ZNF845: variants seen among roughly 807,000 people sequenced by gnomAD.
ZNF845 encodes the protein zinc finger protein 845.
ZNF845 carries 59 observed loss-of-function variants against 76.1 expected under a neutral mutation model. That is an observed-to-expected ratio of 0.78 (90% CI 0.63 to 0.96). The LOEUF is 0.96. Among genes scored for constraint, ZNF845 ranks in the 40% least tolerant of loss-of-function variants. The probability of loss-of-function intolerance (pLI) is 0.00; values close to 1 mark genes in which losing one functional copy is unlikely to be tolerated. For synonymous variants in ZNF845, 361 were observed against 386.9 expected (o/e 0.93, Z 0.78); for missense variants, 1,045 against 1,172.8 (o/e 0.89, Z 1.59).
At position 53,351,436 on chromosome 19, in the gene ZNF845, A is replaced by C. The variant is rs747588639; in HGVS notation, c.761A>C (p.Gln254Pro). ...GATGTGTGTGGCAAGGTCTTTAATC[A>C]AAAGCGATATCTTGCATGTCATCGT... is the stretch of plus-strand genomic sequence containing the variant. ...KCDVCGKVFN[Q>P]KRYLACHRRC... The change falls in exon 4 of 4, where the codon CAA becomes CCA. Residue 254 changes from glutamine to proline, a missense_variant. By Grantham distance (76) the Gln-to-Pro change is moderately conservative. Coordinates refer to ENST00000458035, the MANE Select transcript of ZNF845 (RefSeq NM_138374.3). 6.2e-7 allele frequency: 1 copy of C among 1,614,236 alleles called. No homozygotes were observed. The highest frequency in any genetic ancestry group is 1.1e-5 in the South Asian group (1 of 91,086).
At chr19:53,339,981 C>G (rs115727699) in intron 1 of ZNF845, among the ~76,000 whole-genome samples, 17,889 of 152,026 alleles carry the variant, frequency 0.12, 1,190 homozygotes, top group East Asian at 0.17. Flanking sequence ...CCTCTGGGTT[C>G]AAGCGATTCT....
Position 53,355,419 on chromosome 19 carries a change from A to T in ZNF845, c.*1831A>T, listed in dbSNP as rs547569876. The stretch of plus-strand genomic sequence containing the variant: ...GTCACCACACCTAGCTAATTTATTT[A>T]TTTTTTTTATTTTAGTAAAGACGGG... On this transcript the variant is annotated 3_prime_UTR_variant, in exon 4 of 4. Transcript: ENST00000458035. 123 of 150,320 alleles carry T rather than the reference A, an allele frequency of 8.2e-4. 1 individual carries two copies. The highest frequency in any genetic ancestry group is 2.7e-3 in the African/African-American group (110 of 40,762). The allele number at this position is 150,320 out of a possible 1,614,324, so 9.3% of individuals were successfully genotyped here. A position where few individuals can be genotyped will look rare whatever the true frequency, so the allele number is the denominator to read the frequency against.
chr19:53,341,384 A>C, intron 2 of ZNF845, 62 bp downstream of exon 2: 3 of 1,608,166 alleles, frequency 1.9e-6, no homozygotes, highest in Non-Finnish European at 2.6e-6. Context: ...TGGGCCTTGG[A>C]GTTGGGAATC....
chr19:53,343,982 G>A (rs1044991202), intron 2 of ZNF845, among the ~76,000 whole-genome samples: 4 of 151,528 alleles, frequency 2.6e-5, no homozygotes, highest in African/African-American at 9.7e-5. Flanking sequence ...ACCATGCCCG[G>A]CTGATTTTTT....
Position 53,339,712 on chromosome 19 carries a change from G to A in ZNF845, c.-73-1523G>A, listed in dbSNP as rs116947654. On this transcript the variant is annotated intron_variant, in intron 1 of 3. Coordinates refer to ENST00000458035, the MANE Select transcript of ZNF845 (RefSeq NM_138374.3). ...GGTCAACCAGGACCCTGGCACATGT[G>A]AGACCCCAGAGGGGACATACTAGTA... is the stretch of plus-strand genomic sequence containing the variant. Among the ~76,000 whole-genome samples the A allele has an allele frequency of 3.2e-3, 480 of 152,284 alleles. 3 individuals carry two copies. Among genetic ancestry groups the A allele is most frequent in the Non-Finnish European group, 4.1e-3 (280 of 68,020 alleles).
At chr19:53,341,002 A>G (rs1844896325) in intron 1 of ZNF845, 2 of 479,554 alleles carry the variant, frequency 4.2e-6, no homozygotes, top group South Asian at 3.7e-5. Context: ...CCCACCTCCC[A>G]TTTCACACTC....
chr19:53,351,198 T>A lies in ZNF845; in HGVS notation c.523T>A (p.Ser175Thr), dbSNP rs1287109950. ...EKSINSASLV[S>T]TSQRISCRPK... Reference sequence around the variant, plus strand: ...GTCTATCAACAGTGCTTCGTTGGTTTCAACATCCCAAAGAATTTCTTGTAG... The same window carrying A: ...GTCTATCAACAGTGCTTCGTTGGTTACAACATCCCAAAGAATTTCTTGTAG... The change falls in exon 4 of 4, where the codon TCA becomes ACA. Residue 175 changes from serine (S) to threonine (T), a missense_variant. Ser to Thr is a moderately conservative substitution (Grantham distance 58). Coordinates refer to ENST00000458035, the MANE Select transcript of ZNF845 (RefSeq NM_138374.3). The A allele has an allele frequency of 4.3e-6, 7 of 1,614,124 alleles. No homozygotes were observed. The African/African-American group carries it at 9.3e-5, about 22-fold the overall frequency.
chr19:53,349,547 C>T (rs902597474), intron 3 of ZNF845, among the ~76,000 whole-genome samples: 13 of 152,020 alleles, frequency 8.6e-5, no homozygotes, highest in East Asian at 3.9e-4. Context: ...GGATTACAGG[C>T]GTGAACCACT....
chr19:53,344,849 G>C (rs1417411802), intron 2 of ZNF845, among the ~76,000 whole-genome samples: 1 of 151,880 alleles, frequency 6.6e-6, no homozygotes, highest in Non-Finnish European at 1.5e-5. Flanking sequence ...ATGTTGGTCA[G>C]GCAAGTCTTG....
At chr19:53,349,754 T>C (rs2085321015) in intron 3 of ZNF845, among the ~76,000 whole-genome samples, 1 of 152,176 alleles carries the variant, frequency 6.6e-6, no homozygotes, top group Admixed American at 6.5e-5. Context: ...CACAAAGTGC[T>C]GCCTGGCACT....
chr19:53,346,243 A>G (rs537488655), intron 3 of ZNF845: 1 of 271,032 alleles, frequency 3.7e-6, no homozygotes, highest in Admixed American at 5.2e-5. Context: ...CTCATTTATT[A>G]CTTTTTGCGT....
intron 2 of ZNF845, among the ~76,000 whole-genome samples, chr19:53,343,820 A>G (rs1294996450): frequency 6.6e-6 from 1 of 151,902 alleles, no homozygotes; most frequent in African/African-American, 2.4e-5. Context: ...TCTAGTTTTC[A>G]TGTATTTTCT....
chr19:53,347,019 G>A (rs1001407984), intron 3 of ZNF845, among the ~76,000 whole-genome samples: 10 of 152,030 alleles, frequency 6.6e-5, no homozygotes, highest in African/African-American at 2.4e-4. Flanking sequence ...GAGTAGCTGG[G>A]ATTACAGGCC....
chr19:53,351,893 T>C lies in ZNF845; in HGVS notation c.1218T>C (p.Thr406=). ...TTACACGCCATCGTAGACTTCATACTGGAGAGAAACCTTATAAGTGTAATG... is the reference window on the plus strand; with the variant it reads ...TTACACGCCATCGTAGACTTCATACCGGAGAGAAACCTTATAAGTGTAATG... The part of the protein sequence containing the change: ...SSLTRHRRLH[T]GEKPYKCNDC... Residue 406 remains threonine (T), a synonymous_variant, in exon 4 of 4, where the codon ACT becomes ACC. Coordinates refer to ENST00000458035, the MANE Select transcript of ZNF845 (RefSeq NM_138374.3). 1 of 1,613,882 alleles carries C rather than the reference T, an allele frequency of 6.2e-7. No individual in the cohort carries two copies. Among genetic ancestry groups the C allele is most frequent in the Non-Finnish European group, 8.5e-7 (1 of 1,179,944 alleles).
chr19:53,349,672 T>C (rs1304285962), intron 3 of ZNF845, among the ~76,000 whole-genome samples: 2 of 152,326 alleles, frequency 1.3e-5, no homozygotes, highest in Middle Eastern at 3.4e-3. Context: ...TACTAATTAA[T>C]TTTTATGATT....
At position 53,353,880 on chromosome 19, in the gene ZNF845, C is replaced by T. The variant is rs1312084994; in HGVS notation, c.*292C>T. ...CACAAAGTCTTCAGTAACACTACAA[C>T]CGTTTCAAATCATTGGAGAATCCAT... is the stretch of plus-strand genomic sequence containing the variant. On this transcript the variant is annotated 3_prime_UTR_variant, in exon 4 of 4. Transcript: ENST00000458035. 6.1e-6 allele frequency: 7 copies of T among 1,141,248 alleles called. No individual in the cohort carries two copies. The highest frequency in any genetic ancestry group is 7.4e-6 in the Non-Finnish European group (6 of 810,308). 70.7% of individuals were successfully genotyped at this position (1,141,248 alleles called of 1,614,324 possible).
At position 53,345,499 on chromosome 19, in the gene ZNF845, A is replaced by G. The variant is rs770696175; in HGVS notation, c.16-7A>G. ...AACCATTTCCTTAAAATGTGTTTTC[A>G]TTTCAGGGTCTATTGACATTCAGGG... On this transcript the variant is annotated splice_region_variant and splice_polypyrimidine_tract_variant and intron_variant, in intron 2 of 3. Coordinates refer to ENST00000458035, the MANE Select transcript of ZNF845 (RefSeq NM_138374.3). The G allele has an allele frequency of 5.6e-6, 9 of 1,613,580 alleles. No homozygotes were observed. Among genetic ancestry groups the G allele is most frequent in the Middle Eastern group, 1.7e-4 (1 of 6,054 alleles).
Position 53,354,177 on chromosome 19 carries a change from C to A in ZNF845, c.*589C>A. The A allele has an allele frequency of 2.8e-6, 2 of 702,844 alleles. No homozygotes were observed. The highest frequency in any genetic ancestry group is 1.4e-5 in the South Asian group (1 of 73,486). The allele number at this position is 702,844 out of a possible 1,614,324, so 43.5% of individuals were successfully genotyped here. On this transcript the variant is annotated 3_prime_UTR_variant, in exon 4 of 4. Transcript: ENST00000458035. ...TACTGGACAGAAATCTTACAAATGT[C>A]ATCAGTGTGGCAAGGTCTTCAGTCT...
intron 3 of ZNF845, among the ~76,000 whole-genome samples, chr19:53,348,847 A>ATTTTTT (rs565694028): frequency 2.4e-4 from 23 of 96,626 alleles, no homozygotes; most frequent in Non-Finnish European, 3.1e-4. Flanking sequence ...TTGTTAGTCA[A>ATTTTTT]TTTTTTTTTT....
Sources: gnomAD v4.1 joint callset for allele counts (sites outside exome capture counted in the v4.1 genomes callset) on GRCh38, gnomAD v4.1.1 for gene constraint, MANE v1.5 for transcripts, NCBI Gene and HGNC (gene_info 2026-07-23, HGNC 2026-07-21) for gene names.